FRMD4A: variants seen among roughly 807,000 people sequenced by gnomAD.
FRMD4A encodes FERM domain containing 4A, also known as FERM domain-containing protein 4A.
A neutral mutation model predicts 129.1 loss-of-function variants in FRMD4A; 29 were observed. That is an observed-to-expected ratio of 0.22 (90% confidence interval 0.17 to 0.31). FRMD4A has a LOEUF of 0.31. FRMD4A is among the 10% of genes least tolerant of loss of function. The probability of loss-of-function intolerance (pLI) is 1.00; values close to 1 mark genes in which losing one functional copy is unlikely to be tolerated. For synonymous variants in FRMD4A, 634 were observed against 571.6 expected (o/e 1.11, Z -1.56); for missense variants, 1,272 against 1,375.8 (o/e 0.92, Z 1.19).
chr10:14,190,398 G>T (rs563425916), intron 2 of FRMD4A, among the ~76,000 whole-genome samples: 3 of 152,268 alleles, frequency 2.0e-5, no homozygotes, highest in South Asian at 4.1e-4. Flanking sequence ...TAGAGTCAGG[G>T]TCTTGCTCTG....
chr10:13,911,422 A>T (rs1255908300), intron 2 of FRMD4A, among the ~76,000 whole-genome samples: 1 of 152,232 alleles, frequency 6.6e-6, no homozygotes, highest in East Asian at 1.9e-4. Flanking sequence ...AAACGGTTTT[A>T]GATACTCAAG....
At chr10:14,224,847 G>A (rs1266869191) in intron 2 of FRMD4A, among the ~76,000 whole-genome samples, 1 of 152,186 alleles carries the variant, frequency 6.6e-6, no homozygotes, top group African/African-American at 2.4e-5. Context: ...TTTTTTGTAA[G>A]TCTAACTTGC....
intron 12 of FRMD4A, among the ~76,000 whole-genome samples, chr10:13,730,596 A>G (rs2090251884): frequency 6.6e-6 from 1 of 152,096 alleles, no homozygotes; most frequent in Non-Finnish European, 1.5e-5. Context: ...GCCCAGTAGG[A>G]CGGTAATTTG....
At chr10:14,076,565 G>A (rs7098588) in intron 2 of FRMD4A, among the ~76,000 whole-genome samples, 30,564 of 151,962 alleles carry the variant, frequency 0.2, 3,818 homozygotes, top group East Asian at 0.38. Context: ...GCGTGAACCC[G>A]GGAGGCAGAG....
At chr10:13,937,081 A>G (rs1459726443) in intron 2 of FRMD4A, among the ~76,000 whole-genome samples, 7 of 152,218 alleles carry the variant, frequency 4.6e-5, no homozygotes, top group Non-Finnish European at 8.8e-5. Context: ...TCCTGACAGC[A>G]AAGGGAGGGT....
chr10:13,659,221 G>T, intron 21 of FRMD4A, 102 bp downstream of exon 21: 1 of 1,049,026 alleles, frequency 9.5e-7, no homozygotes, highest in African/African-American at 1.6e-5. Flanking sequence ...CCAGGTTCAG[G>T]TCTGACTGTA....
chr10:14,288,619 CTT>C lies in FRMD4A; in HGVS notation c.45+41437_45+41438del, dbSNP rs758329645. ...TAAAATTGTTATTGTGCTAAGAACACTTAACATGAGATCTACTCTGACAAATT... is the reference window on the plus strand; with the variant it reads ...TAAAATTGTTATTGTGCTAAGAACACAACATGAGATCTACTCTGACAAATT... On this transcript the variant is annotated intron_variant, in intron 2 of 24. Transcript: ENST00000357447. Among the ~76,000 whole-genome samples the C allele has an allele frequency of 2.6e-5, 4 of 152,210 alleles. No individual in the cohort carries two copies. The East Asian group carries it at 5.8e-4, about 22-fold the overall frequency.
At chr10:13,732,984 G>C (rs2090413085) in intron 12 of FRMD4A, among the ~76,000 whole-genome samples, 1 of 152,220 alleles carries the variant, frequency 6.6e-6, no homozygotes, top group African/African-American at 2.4e-5. Context: ...AGGTGAGAAG[G>C]CCTGCAGGGG....
chr10:13,688,690 G>C (rs73590439), intron 15 of FRMD4A, among the ~76,000 whole-genome samples: 2 of 151,858 alleles, frequency 1.3e-5, no homozygotes, highest in African/African-American at 4.8e-5. Flanking sequence ...GGCATTGGTA[G>C]GTATGGATAT....
At chr10:14,036,257 A>T in intron 2 of FRMD4A, among the ~76,000 whole-genome samples, 1 of 152,162 alleles carries the variant, frequency 6.6e-6, no homozygotes, top group Admixed American at 6.5e-5. Context: ...CAGTAAGTGA[A>T]AGATGGCAAG....
chr10:13,869,269 T>C (rs2094412002), intron 2 of FRMD4A, among the ~76,000 whole-genome samples: 1 of 152,142 alleles, frequency 6.6e-6, no homozygotes, highest in Non-Finnish European at 1.5e-5. Context: ...CGATGAGGCG[T>C]GGACCCAGGC....
chr10:13,683,705 A>C (rs1230843704), intron 15 of FRMD4A, among the ~76,000 whole-genome samples: 1 of 139,054 alleles, frequency 7.2e-6, no homozygotes, highest in African/African-American at 2.5e-5. Context: ...GTAGCTGGTC[A>C]CATCCAGTTT....
At chr10:14,193,657 A>C (rs1842387972) in intron 2 of FRMD4A, among the ~76,000 whole-genome samples, 1 of 151,278 alleles carries the variant, frequency 6.6e-6, no homozygotes, top group Non-Finnish European at 1.5e-5. Context: ...AAAAAGTTGC[A>C]GTAGGGACCA....
chr10:13,826,980 A>T (rs1035700931), intron 3 of FRMD4A, among the ~76,000 whole-genome samples: 4 of 152,166 alleles, frequency 2.6e-5, no homozygotes, highest in African/African-American at 4.8e-5. Context: ...CTGGACTGAA[A>T]ATATTAATTT....
intron 2 of FRMD4A, among the ~76,000 whole-genome samples, chr10:13,876,574 C>T (rs1413843786): frequency 6.6e-6 from 1 of 152,058 alleles, no homozygotes; most frequent in East Asian, 1.9e-4. Context: ...CATGAATTTG[C>T]CTACTTTGTT....
At chr10:13,971,700 G>A (rs1230492444) in intron 2 of FRMD4A, 7 of 1,304,210 alleles carry the variant, frequency 5.4e-6, no homozygotes, top group Non-Finnish European at 6.1e-6. Context: ...AGCAGCAGCT[G>A]CAGAACTCGA....
Position 13,740,191 on chromosome 10 carries a change from C to T in FRMD4A, c.672+3G>A. ...GTAACCTTCACCAAATGAGTCTACTCACCTTCACTGCATAATAGTGAACCC... is the reference window on the plus strand; with the variant it reads ...GTAACCTTCACCAAATGAGTCTACTTACCTTCACTGCATAATAGTGAACCC... On this transcript the variant is annotated splice_donor_region_variant and intron_variant, in intron 11 of 24. Coordinates refer to ENST00000357447, the MANE Select transcript of FRMD4A (RefSeq NM_018027.5). 9.5e-6 allele frequency: 15 copies of T among 1,573,824 alleles called. No homozygotes were observed. Among genetic ancestry groups the T allele is most frequent in the Non-Finnish European group, 1.3e-5 (15 of 1,143,462 alleles).
chr10:13,742,211 A>T (rs1410518204), intron 9 of FRMD4A, among the ~76,000 whole-genome samples: 1 of 152,200 alleles, frequency 6.6e-6, no homozygotes, highest in Non-Finnish European at 1.5e-5. Context: ...AGCAGTGGCA[A>T]GCCCGCCTCC....
intron 6 of FRMD4A, among the ~76,000 whole-genome samples, chr10:13,782,252 T>C (rs947914037): frequency 6.6e-6 from 1 of 152,130 alleles, no homozygotes; most frequent in East Asian, 1.9e-4. Context: ...AAGAAGCTCA[T>C]TCCTATCTGC....
Sources: allele counts gnomAD v4.1 joint callset (sites outside exome capture counted in the v4.1 genomes callset), GRCh38; gene constraint gnomAD v4.1.1; transcripts MANE v1.5; gene names NCBI Gene and HGNC (gene_info 2026-07-23, HGNC 2026-07-21).